ARID1B: variants seen among roughly 807,000 people sequenced by gnomAD.
ARID1B encodes the protein AT-rich interactive domain-containing protein 1B.
ARID1B carries 30 observed loss-of-function variants against 212.3 expected under a neutral mutation model. The ratio of observed to expected loss-of-function variants is 0.14; its 90% CI spans 0.11 to 0.19. The LOEUF (loss-of-function observed/expected upper bound fraction) is 0.19. Ranked by LOEUF, ARID1B falls within the 10% of genes least tolerant of loss-of-function variation. The probability of loss-of-function intolerance (pLI) is 1.00; values close to 1 mark genes in which losing one functional copy is unlikely to be tolerated. For synonymous variants in ARID1B, 1,402 were observed against 1,301.7 expected, an observed-to-expected ratio of 1.08 and a Z score of -1.66; for missense variants, 2,891 against 3,204.0, an observed-to-expected ratio of 0.90 and a Z score of 2.36.
At chr6:156,988,703 T>TAAACA (rs1778088675) in intron 4 of ARID1B, among the ~76,000 whole-genome samples, 2 of 152,176 alleles carry the variant, frequency 1.3e-5, no homozygotes, top group African/African-American at 4.8e-5. Flanking sequence ...TGCCTGTGTT[T>TAAACA]CAGGAGAGTG....
At chr6:156,804,357 A>C (rs1036596752) in intron 1 of ARID1B, among the ~76,000 whole-genome samples, 11 of 151,968 alleles carry the variant, frequency 7.2e-5, no homozygotes, top group Non-Finnish European at 1.5e-4. Flanking sequence ...AAAAAAAAAA[A>C]CACCCCTCAA....
intron 4 of ARID1B, chr6:156,943,561 G>A (rs555749212): frequency 6.6e-6 from 1 of 151,320 alleles, no homozygotes; most frequent in East Asian, 1.9e-4. Context: ...ATCATGGTGT[G>A]CACATCTTTC....
At chr6:157,104,126 C>T (rs1357594428) in intron 5 of ARID1B, among the ~76,000 whole-genome samples, 2 of 151,988 alleles carry the variant, frequency 1.3e-5, no homozygotes, top group African/African-American at 4.8e-5. Context: ...TAAGCCACCA[C>T]GCCCGGCCTA....
intron 4 of ARID1B, among the ~76,000 whole-genome samples, chr6:157,045,113 T>C (rs1379598810): frequency 6.6e-6 from 1 of 152,190 alleles, no homozygotes; most frequent in African/African-American, 2.4e-5. Context: ...GATGTTCTGC[T>C]TAGGAAAGAA....
At chr6:157,119,797 C>T (rs1787579154) in intron 6 of ARID1B, 1 of 152,280 alleles carries the variant, frequency 6.6e-6, no homozygotes, top group Admixed American at 6.5e-5. Context: ...GACTCCAGAA[C>T]TCTGCGAGTG....
At chr6:156,850,268 ACT>A (rs1433504103) in intron 2 of ARID1B, among the ~76,000 whole-genome samples, 1 of 150,940 alleles carries the variant, frequency 6.6e-6, no homozygotes, top group African/African-American at 2.4e-5. Context: ...TAAATTGGAG[ACT>A]CTTTTTGACT....
At chr6:157,049,649 A>T (rs1264064270) in intron 4 of ARID1B, among the ~76,000 whole-genome samples, 1 of 152,134 alleles carries the variant, frequency 6.6e-6, no homozygotes, top group African/African-American at 2.4e-5. Flanking sequence ...GGAAGAGGGG[A>T]GGTGAAGAAC....
chr6:157,069,142 T>C (rs1308279928), intron 4 of ARID1B, among the ~76,000 whole-genome samples: 1 of 152,200 alleles, frequency 6.6e-6, no homozygotes, highest in Non-Finnish European at 1.5e-5. Flanking sequence ...TACTCAAATG[T>C]GAGGCCCCTT....
intron 12 of ARID1B, among the ~76,000 whole-genome samples, chr6:157,183,594 C>G (rs918326820): frequency 6.6e-6 from 1 of 152,222 alleles, no homozygotes. Context: ...CTCTTTCTTT[C>G]TCCTCCTTTT....
intron 1 of ARID1B, among the ~76,000 whole-genome samples, chr6:156,783,878 G>T (rs1779452439): frequency 1.3e-5 from 2 of 152,096 alleles, no homozygotes; most frequent in South Asian, 4.1e-4. Context: ...GGTGGAAAAG[G>T]GACTGATATT....
intron 4 of ARID1B, among the ~76,000 whole-genome samples, chr6:156,966,883 A>G (rs1247981831): frequency 6.6e-6 from 1 of 151,444 alleles, no homozygotes; most frequent in African/African-American, 2.4e-5. Context: ...TATTTTTAGT[A>G]GAGATGGGGT....
chr6:157,003,857 T>TA (rs869248608), intron 4 of ARID1B, among the ~76,000 whole-genome samples: 9 of 151,416 alleles, frequency 5.9e-5, no homozygotes, highest in South Asian at 2.1e-4. Flanking sequence ...CCTGGATAAT[T>TA]AAAAAAAAAT....
intron 2 of ARID1B, among the ~76,000 whole-genome samples, chr6:156,888,678 C>T (rs1005652897): frequency 4.6e-5 from 7 of 152,238 alleles, no homozygotes; most frequent in South Asian, 2.1e-4. Context: ...TGGAAACAAC[C>T]AAATCCCCGT....
Position 156,777,680 on chromosome 6 carries a change from C to A in ARID1B, c.-1C>A. ...CCCGGCCTCGCCACGCCGCGGCGAT[C>A]ATGGCCGCGCGGGCAGCAGCGGCGG... On this transcript the variant is annotated 5_prime_UTR_variant, in exon 1 of 20. Coordinates refer to ENST00000636930, the MANE Select transcript of ARID1B (RefSeq NM_001374828.1). The A allele has an allele frequency of 6.7e-6, 1 of 148,348 alleles. No individual in the cohort carries two copies. Among genetic ancestry groups the A allele is most frequent in the South Asian group, 2.0e-4 (1 of 4,976 alleles). 9.2% of individuals were successfully genotyped at this position (148,348 alleles called of 1,614,324 possible).
At position 157,189,192 on chromosome 6, in the gene ARID1B, G is replaced by A. The variant is rs577692431; in HGVS notation, c.3920-450G>A. Among the ~76,000 whole-genome samples the A allele has an allele frequency of 1.4e-4, 21 of 152,162 alleles. 1 individual carries two copies. The highest frequency in any genetic ancestry group is 3.9e-4 in the Admixed American group (6 of 15,300). On this transcript the variant is annotated intron_variant, in intron 13 of 19. Transcript: ENST00000636930. ...ACCCAGAACTAAGTTTTCTAATTTC[G>A]TTTCTAAAACAGCACAATAATTCAT...
chr6:157,133,314 ATC>A (rs909092057), intron 7 of ARID1B, 107 bp downstream of exon 7: 4 of 1,265,068 alleles, frequency 3.2e-6, no homozygotes, highest in Non-Finnish European at 4.2e-6. Context: ...AAGATCCATT[ATC>A]TGTTACCTGA....
rs764418312 is a variant in ARID1B at position 156,778,958 on chromosome 6, C to CGCGGCG, written c.1287_1292dup (p.Ala432_Ala433dup). The CGCGGCG allele has an allele frequency of 2.7e-5, 34 of 1,272,708 alleles. No homozygotes were observed. The highest frequency in any genetic ancestry group is 3.2e-5 in the East Asian group (1 of 31,428). The allele number at this position is 1,272,708 out of a possible 1,614,324, so 78.8% of individuals were successfully genotyped here. ...GAGCGGGAGCTGTGGCGGCGGCGGCCGCGGCGGCGGCGGCAGCAGCAGGAG... is the reference window on the plus strand; with the variant it reads ...GAGCGGGAGCTGTGGCGGCGGCGGCCGCGGCGGCGGCGGCGGCGGCAGCAGCAGGAG... On this transcript the variant is annotated inframe_insertion, in exon 1 of 20. Coordinates refer to ENST00000636930, the MANE Select transcript of ARID1B (RefSeq NM_001374828.1).
chr6:157,140,662 GC>G, intron 7 of ARID1B: 1 of 398,576 alleles, frequency 2.5e-6, no homozygotes, highest in Non-Finnish European at 4.4e-6. Flanking sequence ...GAGGTCACCT[GC>G]CCAGAACCAG....
rs750948289 is a variant in ARID1B, at chr6:157,181,172, G to T, written c.3708G>T (p.Leu1236Phe). The change falls in exon 12 of 20, where the codon TTG becomes TTT. Residue 1236 changes from leucine (L) to phenylalanine (F), a missense_variant. Leu to Phe is a conservative substitution (Grantham distance 22, BLOSUM62 0). Coordinates refer to ENST00000636930, the MANE Select transcript of ARID1B (RefSeq NM_001374828.1). Reference protein sequence around the residue: ...LYVCVKEIGGLAQVNKNKKWR... With the variant: ...LYVCVKEIGGFAQVNKNKKWR... Reference sequence around the variant, plus strand: ...TCTGCGTCAAAGAGATCGGGGGTTTGGCCCAGGTAAGAATGAGTGAGGGAG... The same window carrying T: ...TCTGCGTCAAAGAGATCGGGGGTTTTGCCCAGGTAAGAATGAGTGAGGGAG... 1.2e-6 allele frequency: 2 copies of T among 1,614,036 alleles called. No individual in the cohort carries two copies. The highest frequency in any genetic ancestry group is 2.7e-5 in the African/African-American group (2 of 74,928).
Sources: allele counts gnomAD v4.1 joint callset (sites outside exome capture counted in the v4.1 genomes callset), GRCh38; gene constraint gnomAD v4.1.1; transcripts MANE v1.5; gene names NCBI Gene and HGNC (gene_info 2026-07-23, HGNC 2026-07-21).